The following TM4SF1 variants were observed in gnomAD, a reference collection of about 807,000 sequenced individuals.
The protein encoded by TM4SF1 is transmembrane 4 L six family member 1.
TM4SF1 carries 20 observed loss-of-function variants against 24.5 expected under a neutral mutation model. The observed-to-expected ratio is 0.82, with a 90% CI of 0.57 to 1.19. The LOEUF (loss-of-function observed/expected upper bound fraction) is 1.19, where lower values mean the gene tolerates loss of function less well. Among genes scored for constraint, TM4SF1 ranks in the 50% most tolerant of loss-of-function variants. TM4SF1 has a pLI of 0.00. For synonymous variants in TM4SF1, 107 were observed against 95.4 expected (o/e 1.12, Z -0.71); for missense variants, 258 against 248.1 (o/e 1.04, Z -0.27).
chr3:149,371,417 G>C (rs1731817277), intron 4 of TM4SF1: 1 of 579,162 alleles, frequency 1.7e-6, no homozygotes, highest in Non-Finnish European at 3.1e-6. Flanking sequence ...CAGTGAATTA[G>C]ATCCTGAAGG....
At chr3:149,371,451 T>A in intron 4 of TM4SF1, 1 of 600,748 alleles carries the variant, frequency 1.7e-6, no homozygotes, top group Non-Finnish European at 2.9e-6. Context: ...ATGGGCAGCA[T>A]GTTCTTGTGT....
At chr3:149,376,253 CTT>C (rs1195124731) in intron 1 of TM4SF1, among the ~76,000 whole-genome samples, 7 of 152,162 alleles carry the variant, frequency 4.6e-5, no homozygotes, top group African/African-American at 1.4e-4. Context: ...ATAGTTTTAA[CTT>C]AACAATATTA....
At chr3:149,370,055 C>T in intron 4 of TM4SF1, 175 bp from the exon 5 acceptor site, 1 of 688,310 alleles carries the variant, frequency 1.5e-6, no homozygotes, top group East Asian at 3.3e-5. Context: ...CCTAAACAAA[C>T]CCAGATCCCT....
chr3:149,371,615 T>C, intron 4 of TM4SF1, 72 bp downstream of exon 4: 2 of 1,573,708 alleles, frequency 1.3e-6, no homozygotes, highest in Middle Eastern at 1.7e-4. Flanking sequence ...GGTTTTGCCT[T>C]TTTCTTTATG....
At chr3:149,375,965 A>G (rs1377277889) in intron 1 of TM4SF1, among the ~76,000 whole-genome samples, 196 bp from the exon 2 acceptor site, 2 of 152,264 alleles carry the variant, frequency 1.3e-5, no homozygotes, top group African/African-American at 4.8e-5. Context: ...GTTTTCATGT[A>G]ATCTGTCAAA....
rs1379449622 is a variant in TM4SF1 at position 149,377,500 on chromosome 3, C to T, written c.48G>A (p.Gly16=). ...TAGCCGCGATGCACAGGAGGGCGAG[C>T]CCCACCAGAGAATGTCCGATGCATC... is the stretch of plus-strand genomic sequence containing the variant. ...CARCIGHSLV[G]LALLCIAANI... The change falls in exon 1 of 5, where the codon GGG becomes GGA. Residue 16 remains glycine (G), a synonymous_variant. Coordinates refer to ENST00000305366, the MANE Select transcript of TM4SF1 (RefSeq NM_014220.3). 3.1e-6 allele frequency: 5 copies of T among 1,614,008 alleles called. No individual in the cohort carries two copies. The highest frequency in any genetic ancestry group is 1.3e-5 in the African/African-American group (1 of 74,932).
At position 149,369,928 on chromosome 3, in the gene TM4SF1, G is replaced by A. The variant is rs371445155; in HGVS notation, c.595-48C>T. 104 of 1,569,060 alleles carry A rather than the reference G, an allele frequency of 6.6e-5. 1 individual carries two copies. In the African/African-American group the frequency reaches 1.2e-3, roughly 18 times the overall value. ...TTAGGCTATAATCAGGATAAATAAT[G>A]ATGACATTTTAGTCCTTTAAGTTCC... On this transcript the variant is annotated intron_variant, in intron 4 of 4. Transcript: ENST00000305366.
At chr3:149,370,656 G>A (rs1731800088) in intron 4 of TM4SF1, 1 of 152,094 alleles carries the variant, frequency 6.6e-6, no homozygotes, top group Non-Finnish European at 1.5e-5. Context: ...TATTTTCTTG[G>A]AAATTTGCCA....
rs561651000 is a variant in TM4SF1, at chr3:149,371,794, A to G, written c.487T>C (p.Phe163Leu). The change falls in exon 4 of 5, where the codon TTT becomes CTT. Residue 163 changes from phenylalanine (F) to leucine (L), a missense_variant. Physicochemically the swap from Phe to Leu is conservative, Grantham distance 22 (BLOSUM62 0). Transcript: ENST00000305366. ...KHIVEWNVSL[F>L]SILLALGGIE... is the part of the protein sequence containing the mutation. ...CCACCAAGAGCCAAGAGGATAGAAA[A>G]CAGAGATACATTCCATTCCACAATG... 6.2e-7 allele frequency: 1 copy of G among 1,614,172 alleles called. No homozygotes were observed. Among genetic ancestry groups the G allele is most frequent in the African/African-American group, 1.3e-5 (1 of 75,026 alleles).
At chr3:149,377,286 C>G in intron 1 of TM4SF1, 85 bp downstream of exon 1, 2 of 1,487,542 alleles carry the variant, frequency 1.3e-6, no homozygotes, top group Non-Finnish European at 1.8e-6. Flanking sequence ...TAGAAATATG[C>G]ATTACAAAAA....
At chr3:149,374,165 T>A (rs552463922) in intron 3 of TM4SF1, among the ~76,000 whole-genome samples, 1 of 148,246 alleles carries the variant, frequency 6.7e-6, no homozygotes, top group South Asian at 2.2e-4. Context: ...TATTATTTCA[T>A]TAATTCTCAT....
chr3:149,373,039 C>CA (rs1282775825), intron 3 of TM4SF1, among the ~76,000 whole-genome samples: 1 of 152,118 alleles, frequency 6.6e-6, no homozygotes, highest in Non-Finnish European at 1.5e-5. Context: ...GGAAGAGCCA[C>CA]AGAGGAAGGG....
intron 3 of TM4SF1, 84 bp downstream of exon 3, chr3:149,375,359 G>T: frequency 6.6e-7 from 1 of 1,525,550 alleles, no homozygotes; most frequent in Non-Finnish European, 8.9e-7. Context: ...ATGGATAAGT[G>T]GATGCCTATC....
intron 3 of TM4SF1, among the ~76,000 whole-genome samples, chr3:149,374,482 C>G (rs1731901827): frequency 6.6e-6 from 1 of 152,184 alleles, no homozygotes; most frequent in Admixed American, 6.5e-5. Flanking sequence ...AGAATCAACT[C>G]CTGCTCAAAG....
At chr3:149,376,078 T>C (rs1731945021) in intron 1 of TM4SF1, among the ~76,000 whole-genome samples, 1 of 152,254 alleles carries the variant, frequency 6.6e-6, no homozygotes, top group African/African-American at 2.4e-5. Flanking sequence ...TAACAAACTC[T>C]GTTTTGGAAA....
intron 3 of TM4SF1, among the ~76,000 whole-genome samples, chr3:149,372,673 G>A (rs1227164438): frequency 6.6e-6 from 1 of 152,134 alleles, no homozygotes; most frequent in Non-Finnish European, 1.5e-5. Context: ...GCCCAGGCTG[G>A]AGTGCAATGG....
rs371445155 is a variant in TM4SF1 at position 149,369,928 on chromosome 3, G to T, written c.595-48C>A. 1.0e-5 allele frequency: 16 copies of T among 1,568,940 alleles called. No individual in the cohort carries two copies. In the East Asian group the frequency reaches 3.7e-4, roughly 36 times the overall value. ...TTAGGCTATAATCAGGATAAATAATGATGACATTTTAGTCCTTTAAGTTCC... is the reference window on the plus strand; with the variant it reads ...TTAGGCTATAATCAGGATAAATAATTATGACATTTTAGTCCTTTAAGTTCC... On this transcript the variant is annotated intron_variant, in intron 4 of 4. Coordinates refer to ENST00000305366, the MANE Select transcript of TM4SF1 (RefSeq NM_014220.3).
Position 149,377,580 on chromosome 3 carries a change from T to C in TM4SF1, c.-33A>G. 6.3e-7 allele frequency: 1 copy of C among 1,594,238 alleles called. No individual in the cohort carries two copies. Among genetic ancestry groups the C allele is most frequent in the Non-Finnish European group, 8.6e-7 (1 of 1,169,018 alleles). The stretch of plus-strand genomic sequence containing the variant: ...TGCTAGGTTTTCTCCCCCTTCTCTT[T>C]GTCTTCAGCTCAGTGATACCCCAAA... On this transcript the variant is annotated 5_prime_UTR_variant, in exon 1 of 5. Coordinates refer to ENST00000305366, the MANE Select transcript of TM4SF1 (RefSeq NM_014220.3).
chr3:149,377,348 A>C, intron 1 of TM4SF1, 23 bp downstream of exon 1: 1 of 1,596,654 alleles, frequency 6.3e-7, no homozygotes, highest in East Asian at 2.2e-5. Context: ...GAGAGAATTC[A>C]GTAATAATCC....
Sources: allele counts gnomAD v4.1 joint callset (sites outside exome capture counted in the v4.1 genomes callset), GRCh38; gene constraint gnomAD v4.1.1; transcripts MANE v1.5; gene names NCBI Gene and HGNC (gene_info 2026-07-23, HGNC 2026-07-21).